The following AAK1 variants were observed in gnomAD, a reference collection of about 807,000 sequenced individuals.
The protein encoded by AAK1 is AP2 associated kinase 1.
A neutral mutation model predicts 116.0 loss-of-function variants in AAK1; 37 were observed. The ratio of observed to expected loss-of-function variants is 0.32; its 90% CI spans 0.25 to 0.42. The LOEUF (loss-of-function observed/expected upper bound fraction) is 0.42, where lower values mean the gene tolerates loss of function less well. AAK1 is among the 10% of genes least tolerant of loss of function. The pLI is 1.00. For missense variants in AAK1, 919 were observed against 1,170.6 expected (o/e 0.79, Z 3.14); for synonymous variants, 458 against 439.9 (o/e 1.04, Z -0.51).
rs1424298799 is a variant in AAK1 at position 69,471,432 on chromosome 2, T to C, written c.*4437A>G. ...AAAGAAAAGGCTGACTTTGTGTTGA[T>C]AAAATTATAGCCTTTAGAGAGGAAT... On this transcript the variant is annotated 3_prime_UTR_variant, in exon 22 of 22. Transcript: ENST00000409085. The C allele has an allele frequency of 2.0e-6, 2 of 985,352 alleles. No individual in the cohort carries two copies. Among genetic ancestry groups the C allele is most frequent in the African/African-American group, 1.7e-5 (1 of 57,262 alleles). The allele number at this position is 985,352 out of a possible 1,614,324, so 61.0% of individuals were successfully genotyped here.
chr2:69,486,179 C>T (rs903961181), intron 17 of AAK1, among the ~76,000 whole-genome samples: 1 of 152,090 alleles, frequency 6.6e-6, no homozygotes, highest in Admixed American at 6.5e-5. Context: ...CCAGGACAAT[C>T]TTAAGCTCCT....
At chr2:69,615,069 G>T (rs1674262045) in intron 2 of AAK1, among the ~76,000 whole-genome samples, 1 of 152,086 alleles carries the variant, frequency 6.6e-6, no homozygotes. Context: ...AAATTAATAT[G>T]ACCCCAACCA....
chr2:69,473,123 G>A lies in AAK1; in HGVS notation c.*2746C>T, dbSNP rs767013635. 30 of 845,582 alleles carry A rather than the reference G, an allele frequency of 3.5e-5. No individual in the cohort carries two copies. Among genetic ancestry groups the A allele is most frequent in the Non-Finnish European group, 4.1e-5 (29 of 702,562 alleles). 52.4% of individuals were successfully genotyped at this position (845,582 alleles called of 1,614,324 possible). ...ACCCATCGTATAACTCTAAGGAACAGCAACTCTGAGAGGTGAAGTGCCTGC... is the reference window on the plus strand; with the variant it reads ...ACCCATCGTATAACTCTAAGGAACAACAACTCTGAGAGGTGAAGTGCCTGC... On this transcript the variant is annotated 3_prime_UTR_variant, in exon 22 of 22. Transcript: ENST00000409085.
At chr2:69,511,610 C>T (rs1033692718) in intron 13 of AAK1, among the ~76,000 whole-genome samples, 6 of 152,146 alleles carry the variant, frequency 3.9e-5, no homozygotes, top group Admixed American at 1.3e-4. Flanking sequence ...ATTCATTAAT[C>T]TGAAAAGAAT....
chr2:69,632,989 G>A (rs995173345), intron 2 of AAK1, among the ~76,000 whole-genome samples: 2 of 150,970 alleles, frequency 1.3e-5, no homozygotes, highest in African/African-American at 4.9e-5. Context: ...GCCAAGATCA[G>A]GCCACTGCAC....
At chr2:69,599,962 T>G (rs1046771866) in intron 2 of AAK1, among the ~76,000 whole-genome samples, 17 of 147,446 alleles carry the variant, frequency 1.2e-4, no homozygotes, top group Non-Finnish European at 2.2e-4. Flanking sequence ...TTTTTTTTTT[T>G]GTAGAGACAG....
intron 2 of AAK1, among the ~76,000 whole-genome samples, chr2:69,612,446 C>T (rs577474059): frequency 2.0e-5 from 3 of 152,296 alleles, no homozygotes; most frequent in East Asian, 1.9e-4. Flanking sequence ...CCAACAGGCA[C>T]TTGCTACATA....
chr2:69,586,008 G>A (rs572612507), intron 2 of AAK1, among the ~76,000 whole-genome samples: 26 of 152,154 alleles, frequency 1.7e-4, no homozygotes, highest in African/African-American at 5.3e-4. Flanking sequence ...TGATTGGTGC[G>A]GAGTGCTCCC....
At chr2:69,623,008 A>G (rs2105241740) in intron 2 of AAK1, among the ~76,000 whole-genome samples, 1 of 152,262 alleles carries the variant, frequency 6.6e-6, no homozygotes, top group South Asian at 2.1e-4. Context: ...TGCCAGAGAC[A>G]TCAGTGGCAA....
rs1674380027 is a variant in AAK1 at position 69,462,968 on chromosome 2, G to C, written c.*12901C>G. ...TCTGGCACAGTTGAAACCTTAGTTG[G>C]AAAACCAAACCTTGGCACAGTGCCA... On this transcript the variant is annotated 3_prime_UTR_variant, in exon 22 of 22. Coordinates refer to ENST00000409085, the MANE Select transcript of AAK1 (RefSeq NM_014911.5). The C allele has an allele frequency of 6.6e-6, 1 of 152,188 alleles. No homozygotes were observed. The highest frequency in any genetic ancestry group is 1.5e-5 in the Non-Finnish European group (1 of 68,030). The allele number at this position is 152,188 out of a possible 1,614,324, so 9.4% of individuals were successfully genotyped here.
At chr2:69,530,221 T>C in intron 7 of AAK1, 81 bp from the exon 8 acceptor site, 1 of 1,411,392 alleles carries the variant, frequency 7.1e-7, no homozygotes, top group South Asian at 1.5e-5. Flanking sequence ...ACTGGCACCA[T>C]CCACATTTAC....
chr2:69,480,850 C>A lies in AAK1; in HGVS notation c.2569+10G>T, dbSNP rs774037178. On this transcript the variant is annotated intron_variant, in intron 19 of 21. Transcript: ENST00000409085. ...ACCAGTCCCTGCAGCTGCAGAGACA[C>A]CTGACTGACCTGTGCGATTCGAGGT... The A allele has an allele frequency of 1.9e-5, 30 of 1,581,636 alleles. No individual in the cohort carries two copies. The highest frequency in any genetic ancestry group is 2.6e-5 in the Non-Finnish European group (30 of 1,163,918).
At chr2:69,559,952 C>T (rs1346467515) in intron 2 of AAK1, among the ~76,000 whole-genome samples, 2 of 152,146 alleles carry the variant, frequency 1.3e-5, no homozygotes, top group Admixed American at 1.3e-4. Context: ...ATGGGTCAGT[C>T]GCCTACCATG....
chr2:69,578,602 C>T (rs912448747), intron 2 of AAK1, among the ~76,000 whole-genome samples: 1 of 152,134 alleles, frequency 6.6e-6, no homozygotes, highest in African/African-American at 2.4e-5. Flanking sequence ...AGTCCTAAAA[C>T]GTCCCAATCC....
intron 3 of AAK1, among the ~76,000 whole-genome samples, chr2:69,550,431 A>G (rs1247342824): frequency 6.6e-6 from 1 of 151,926 alleles, no homozygotes; most frequent in Non-Finnish European, 1.5e-5. Flanking sequence ...CAGCCTCCCA[A>G]GTAGCTGGGA....
intron 2 of AAK1, among the ~76,000 whole-genome samples, chr2:69,623,080 T>C (rs1674731888): frequency 6.6e-6 from 1 of 152,118 alleles, no homozygotes; most frequent in South Asian, 2.1e-4. Flanking sequence ...CAATAAATCT[T>C]GCTGCTGCTC....
chr2:69,580,688 G>A (rs1672505696), intron 2 of AAK1, among the ~76,000 whole-genome samples: 1 of 152,252 alleles, frequency 6.6e-6, no homozygotes, highest in Middle Eastern at 3.4e-3. Flanking sequence ...ATTTCAGCTC[G>A]TTTAAGTAGA....
chr2:69,606,876 G>A (rs1400015944), intron 2 of AAK1, among the ~76,000 whole-genome samples: 2 of 151,994 alleles, frequency 1.3e-5, no homozygotes, highest in Non-Finnish European at 2.9e-5. Flanking sequence ...GACCAGCCTG[G>A]GCAACCAGGT....
At chr2:69,631,797 T>C (rs942422401) in intron 2 of AAK1, among the ~76,000 whole-genome samples, 1 of 152,036 alleles carries the variant, frequency 6.6e-6, no homozygotes, top group African/African-American at 2.4e-5. Context: ...CTGGGCAACA[T>C]GGCAAAACTC....
Sources: allele counts gnomAD v4.1 joint callset (sites outside exome capture counted in the v4.1 genomes callset), GRCh38; gene constraint gnomAD v4.1.1; transcripts MANE v1.5; gene names NCBI Gene and HGNC (gene_info 2026-07-23, HGNC 2026-07-21).